DTNA: variants seen among roughly 807,000 people sequenced by gnomAD.
DTNA encodes dystrophin-related protein 3.
Under a neutral mutation model 100.7 loss-of-function variants are expected in DTNA, and 43 were observed. That is an observed-to-expected ratio of 0.43 (90% CI 0.33 to 0.55). The LOEUF (loss-of-function observed/expected upper bound fraction) is 0.55. Ranked by LOEUF, DTNA falls within the 20% of genes least tolerant of loss-of-function variation. The probability of loss-of-function intolerance (pLI) is 0.04; values close to 1 mark genes in which losing one functional copy is unlikely to be tolerated. For missense variants in DTNA, 798 were observed against 953.9 expected (o/e 0.84, Z 2.15); for synonymous variants, 349 against 347.9 (o/e 1.00, Z -0.04).
intron 1 of DTNA, among the ~76,000 whole-genome samples, chr18:34,651,732 C>T (rs1157544525): frequency 1.3e-5 from 2 of 152,134 alleles, no homozygotes; most frequent in Non-Finnish European, 2.9e-5. Context: ...TAACCTAATA[C>T]AGGGACCACT....
intron 1 of DTNA, among the ~76,000 whole-genome samples, chr18:34,528,555 C>T (rs775673153): frequency 5.3e-5 from 8 of 151,762 alleles, no homozygotes; most frequent in South Asian, 2.1e-4. Context: ...CGGATAACTG[C>T]GAGTGTGTTA....
At chr18:34,884,614 C>T (rs536527652) in intron 21 of DTNA, 114 bp from the exon 22 acceptor site, 2 of 900,396 alleles carry the variant, frequency 2.2e-6, no homozygotes, top group Admixed American at 1.9e-5. Flanking sequence ...ACTCAATAGA[C>T]TCTCTCTCTC....
intron 1 of DTNA, among the ~76,000 whole-genome samples, chr18:34,528,516 A>G (rs2042854043): frequency 6.6e-6 from 1 of 152,050 alleles, no homozygotes; most frequent in South Asian, 2.1e-4. Flanking sequence ...TTCCGACTTA[A>G]ATAAGGCTAA....
At chr18:34,547,216 A>C (rs1442455236) in intron 1 of DTNA, among the ~76,000 whole-genome samples, 1 of 152,134 alleles carries the variant, frequency 6.6e-6, no homozygotes, top group Non-Finnish European at 1.5e-5. Context: ...CTCACCAACA[A>C]AAGCAAAATA....
At chr18:34,804,743 G>A (rs1275583633) in intron 4 of DTNA, among the ~76,000 whole-genome samples, 3 of 152,136 alleles carry the variant, frequency 2.0e-5, no homozygotes, top group Non-Finnish European at 4.4e-5. Flanking sequence ...TTGGCATGAG[G>A]TATCTAAGTG....
At chr18:34,724,609 T>C (rs969001070) in intron 1 of DTNA, among the ~76,000 whole-genome samples, 1 of 151,800 alleles carries the variant, frequency 6.6e-6, no homozygotes, top group East Asian at 1.9e-4. Context: ...AGGGGAGAGG[T>C]GCCAGGCTCT....
At chr18:34,787,323 T>C (rs1489433180) in intron 3 of DTNA, among the ~76,000 whole-genome samples, 1 of 152,160 alleles carries the variant, frequency 6.6e-6, no homozygotes, top group African/African-American at 2.4e-5. Flanking sequence ...TCTTTTATAT[T>C]TTGGACTCAG....
intron 1 of DTNA, among the ~76,000 whole-genome samples, chr18:34,714,811 C>T (rs34953665): frequency 0.12 from 17,953 of 151,950 alleles, 1,579 homozygotes; most frequent in African/African-American, 0.24. Context: ...CCAAGCCAAA[C>T]GTCCAACAAT....
At chr18:34,783,722 G>A (rs1304716944) in intron 3 of DTNA, among the ~76,000 whole-genome samples, 2 of 152,154 alleles carry the variant, frequency 1.3e-5, no homozygotes, top group East Asian at 3.8e-4. Context: ...GTGGGTGATG[G>A]CGGATAGCTT....
chr18:34,832,174 A>G (rs1025264915), intron 11 of DTNA, among the ~76,000 whole-genome samples: 1 of 152,236 alleles, frequency 6.6e-6, no homozygotes, highest in African/African-American at 2.4e-5. Context: ...ATTAATGCCC[A>G]TCCATTTTCA....
chr18:34,829,632 G>A, intron 11 of DTNA, 143 bp downstream of exon 11: 2 of 894,466 alleles, frequency 2.2e-6, no homozygotes, highest in Non-Finnish European at 3.2e-6. Context: ...AAATTGTGTT[G>A]AGACTTTTCA....
chr18:34,863,972 C>T lies in DTNA; in HGVS notation c.1653C>T (p.Arg551=). The T allele has an allele frequency of 1.9e-6, 3 of 1,610,054 alleles. No homozygotes were observed. Among genetic ancestry groups the T allele is most frequent in the Admixed American group, 3.3e-5 (2 of 59,764 alleles). The change falls in exon 17 of 23, where the codon CGC becomes CGT. Residue 551 remains arginine (R), a synonymous_variant. Transcript: ENST00000444659. The part of the protein sequence containing the change: ...LLAELRLLRQ[R]KDELEQRMSA... ...TCAGCTGCTTCTTTCTTAGACAGCG[C>T]AAAGATGAGCTGGAACAGAGAATGT...
intron 1 of DTNA, among the ~76,000 whole-genome samples, chr18:34,571,504 G>A (rs1008684822): frequency 6.6e-6 from 1 of 152,074 alleles, no homozygotes; most frequent in African/African-American, 2.4e-5. Context: ...ACTTTGGGAG[G>A]CTGAAGCAGG....
At chr18:34,736,344 A>G (rs2089582673) in intron 1 of DTNA, among the ~76,000 whole-genome samples, 1 of 152,226 alleles carries the variant, frequency 6.6e-6, no homozygotes, top group Non-Finnish European at 1.5e-5. Context: ...TTTCAAATGA[A>G]TTATATATGA....
chr18:34,536,469 GA>G (rs2043724791), intron 1 of DTNA, among the ~76,000 whole-genome samples: 1 of 151,934 alleles, frequency 6.6e-6, no homozygotes, highest in Non-Finnish European at 1.5e-5. Context: ...TCTGATCTGG[GA>G]AAAGTGATAG....
chr18:34,695,099 C>G (rs2080326534), intron 1 of DTNA, among the ~76,000 whole-genome samples: 1 of 152,162 alleles, frequency 6.6e-6, no homozygotes, highest in African/African-American at 2.4e-5. Flanking sequence ...TGTACTATAA[C>G]AACCTTCCCA....
chr18:34,658,311 C>G (rs1389926675), intron 1 of DTNA, among the ~76,000 whole-genome samples: 1 of 152,124 alleles, frequency 6.6e-6, no homozygotes, highest in Non-Finnish European at 1.5e-5. Context: ...GTTTAAACAG[C>G]CAAATTAGTA....
At chr18:34,523,164 A>G (rs2042301409) in intron 1 of DTNA, among the ~76,000 whole-genome samples, 2 of 152,150 alleles carry the variant, frequency 1.3e-5, no homozygotes. Flanking sequence ...GTAACCTAAT[A>G]TTTTCCAAAA....
chr18:34,609,406 G>A (rs1412811611), intron 1 of DTNA, among the ~76,000 whole-genome samples: 1 of 151,720 alleles, frequency 6.6e-6, no homozygotes. Flanking sequence ...CACCCCACCC[G>A]GCTAATTTTT....
Sources: gnomAD v4.1 joint callset for allele counts (sites outside exome capture counted in the v4.1 genomes callset) on GRCh38, gnomAD v4.1.1 for gene constraint, MANE v1.5 for transcripts, NCBI Gene and HGNC (gene_info 2026-07-23, HGNC 2026-07-21) for gene names.